Variants in SVOPL observed in about 807,000 individuals in gnomAD.
The protein encoded by SVOPL is putative transporter SVOPL.
In SVOPL, 60 loss-of-function variants were observed where a neutral mutation model predicts 61.0. That is an observed-to-expected ratio of 0.98 (90% confidence interval 0.80 to 1.22). The LOEUF is 1.22. SVOPL is among the 50% of genes most tolerant of loss of function. The probability of loss-of-function intolerance (pLI) is 0.00; values close to 1 mark genes in which losing one functional copy is unlikely to be tolerated. For synonymous variants in SVOPL, 279 were observed against 250.0 expected, an observed-to-expected ratio of 1.12 and a Z score of -1.09; for missense variants, 662 against 643.9, an observed-to-expected ratio of 1.03 and a Z score of -0.30.
chr7:138,628,285 T>C lies in SVOPL; in HGVS notation c.942A>G (p.Ser314=). Residue 314 remains serine, a synonymous_variant, in exon 11 of 16, where the codon TCA becomes TCG. Coordinates refer to ENST00000674285, the MANE Select transcript of SVOPL (RefSeq NM_001139456.2). The part of the protein sequence containing the change: ...ELLERDLVCG[S]KSDSAVVVTG... ...TCACCACCACCGCAGAGTCTGACTT[T>C]GAACCACAGACCAAGTCCCGCTCCA... 2 of 1,614,120 alleles carry C rather than the reference T, an allele frequency of 1.2e-6. No homozygotes were observed. The highest frequency in any genetic ancestry group is 8.5e-7 in the Non-Finnish European group (1 of 1,180,020).
At chr7:138,688,935 G>T (rs1373296984) in intron 1 of SVOPL, 2 of 529,088 alleles carry the variant, frequency 3.8e-6, no homozygotes, top group Non-Finnish European at 3.5e-6. Context: ...TTAAGATAAA[G>T]TCAGCTCTTC....
At chr7:138,634,634 C>T (rs1182006910) in intron 9 of SVOPL, among the ~76,000 whole-genome samples, 5 of 151,476 alleles carry the variant, frequency 3.3e-5, no homozygotes, top group Non-Finnish European at 7.4e-5. Flanking sequence ...GATGACAGAA[C>T]GAGACCCTGT....
intron 1 of SVOPL, among the ~76,000 whole-genome samples, chr7:138,690,643 G>C (rs1279660901): frequency 6.6e-6 from 1 of 152,098 alleles, no homozygotes; most frequent in African/African-American, 2.4e-5. Context: ...AGGAGAGTAG[G>C]GAGTGACTGA....
chr7:138,674,064 T>A (rs1458405478), intron 3 of SVOPL, among the ~76,000 whole-genome samples: 3 of 151,946 alleles, frequency 2.0e-5, no homozygotes, highest in Non-Finnish European at 4.4e-5. Flanking sequence ...GGCATGTGCC[T>A]ATAATCCCAG....
At chr7:138,686,546 GTTTT>G (rs967824082) in intron 1 of SVOPL, among the ~76,000 whole-genome samples, 10 of 141,874 alleles carry the variant, frequency 7.0e-5, no homozygotes, top group African/African-American at 2.4e-4. Flanking sequence ...GGCCTAAGGA[GTTTT>G]TTGTTTTTTG....
chr7:138,623,473 A>G (rs71541399), intron 13 of SVOPL, among the ~76,000 whole-genome samples: 3,193 of 151,996 alleles, frequency 0.021, 62 homozygotes, highest in Non-Finnish European at 0.033. Flanking sequence ...GGTGGCGGGC[A>G]CCTGTAGTCC....
At chr7:138,677,048 C>A (rs1021099230) in intron 3 of SVOPL, among the ~76,000 whole-genome samples, 1 of 151,992 alleles carries the variant, frequency 6.6e-6, no homozygotes, top group Admixed American at 6.6e-5. Flanking sequence ...GGACTACAGG[C>A]GCCCGCCACC....
intron 9 of SVOPL, among the ~76,000 whole-genome samples, chr7:138,633,984 C>T (rs769012463): frequency 9.2e-5 from 14 of 152,182 alleles, no homozygotes; most frequent in Non-Finnish European, 2.1e-4. Flanking sequence ...GGATTCAGGG[C>T]ATGGGTAGCA....
intron 9 of SVOPL, among the ~76,000 whole-genome samples, chr7:138,640,041 C>G (rs576459742): frequency 6.6e-6 from 1 of 151,974 alleles, no homozygotes; most frequent in East Asian, 1.9e-4. Flanking sequence ...CAGGCCTGAG[C>G]TATCTCACAC....
chr7:138,633,015 TTTC>T (rs1800287599), intron 9 of SVOPL, among the ~76,000 whole-genome samples: 1 of 152,170 alleles, frequency 6.6e-6, no homozygotes, highest in Admixed American at 6.6e-5. Context: ...CCATAATAGC[TTTC>T]TTCTTTTAAT....
Position 138,644,777 on chromosome 7 carries a change from C to T in SVOPL, c.729G>A (p.Glu243=), listed in dbSNP as rs374411348. 10 of 1,614,078 alleles carry T rather than the reference C, an allele frequency of 6.2e-6. No homozygotes were observed. The Middle Eastern group carries it at 6.6e-4, about 106-fold the overall frequency. ...GNTRAALATL[E]RVAKMNRSVM... ...CCGAGCGGTTCATCTTGGCAACGCGCTCCAGAGTGGCCAGGGCAGCCCGAG... is the reference window on the plus strand; with the variant it reads ...CCGAGCGGTTCATCTTGGCAACGCGTTCCAGAGTGGCCAGGGCAGCCCGAG... The change falls in exon 9 of 16, where the codon GAG becomes GAA. Residue 243 remains glutamate (E), a synonymous_variant. Transcript: ENST00000674285.
chr7:138,672,578 T>C (rs759489686), intron 3 of SVOPL, among the ~76,000 whole-genome samples: 1 of 150,272 alleles, frequency 6.7e-6, no homozygotes, highest in African/African-American at 2.5e-5. Context: ...GATAGTAAGA[T>C]TCATGAAAGC....
At chr7:138,678,880 A>G (rs1802638491) in intron 2 of SVOPL, 84 bp downstream of exon 2, 20 of 1,390,960 alleles carry the variant, frequency 1.4e-5, no homozygotes, top group Non-Finnish European at 1.6e-5. Context: ...GCTTCTTTTG[A>G]CCTCACCTTT....
rs1802648542 is a variant in SVOPL, at chr7:138,679,212, C to T, written c.-34-133G>A. ...CGAATGAGGTATGTATTTTTATCCT[C>T]TTTTCACACCGGGCCTCTGGAACCA... is the stretch of plus-strand genomic sequence containing the variant. On this transcript the variant is annotated intron_variant, in intron 1 of 15. Transcript: ENST00000674285. 3 of 596,616 alleles carry T rather than the reference C, an allele frequency of 5.0e-6. No homozygotes were observed. The Admixed American group carries it at 9.4e-5, about 19-fold the overall frequency. The allele number at this position is 596,616 out of a possible 1,614,324, so 37.0% of individuals were successfully genotyped here.
chr7:138,600,368 T>C (rs1310985914), intron 14 of SVOPL, among the ~76,000 whole-genome samples: 1 of 152,130 alleles, frequency 6.6e-6, no homozygotes, highest in Non-Finnish European at 1.5e-5. Flanking sequence ...GCAGCTGAGC[T>C]GGGAGGATCT....
intron 14 of SVOPL, among the ~76,000 whole-genome samples, chr7:138,599,020 G>C (rs974780202): frequency 6.6e-6 from 1 of 151,750 alleles, no homozygotes; most frequent in Non-Finnish European, 1.5e-5. Context: ...AGATACTTGG[G>C]AGGTTAAGGC....
At chr7:138,624,968 A>G (rs1423176851) in intron 13 of SVOPL, 1 of 152,040 alleles carries the variant, frequency 6.6e-6, no homozygotes, top group Non-Finnish European at 1.5e-5. Flanking sequence ...TCCCAAATTC[A>G]AGGATTGCAG....
chr7:138,618,949 C>A (rs1028181822), intron 14 of SVOPL, among the ~76,000 whole-genome samples: 2 of 152,174 alleles, frequency 1.3e-5, no homozygotes, highest in Non-Finnish European at 2.9e-5. Context: ...CTGGTCCCAG[C>A]TGGGTTCTTT....
chr7:138,660,166 C>A, intron 5 of SVOPL, 178 bp from the exon 6 acceptor site: 1 of 1,386,040 alleles, frequency 7.2e-7, no homozygotes, highest in Admixed American at 2.9e-5. Context: ...TGCCATTCTA[C>A]TGTCTGGAAG....
Sources: gnomAD v4.1 joint callset for allele counts (sites outside exome capture counted in the v4.1 genomes callset) on GRCh38, gnomAD v4.1.1 for gene constraint, MANE v1.5 for transcripts, NCBI Gene and HGNC (gene_info 2026-07-23, HGNC 2026-07-21) for gene names.